Variants in SLC38A12 observed in about 807,000 individuals in gnomAD.
SLC38A12 encodes the protein putative sodium-coupled neutral amino acid transporter 12.
the SLC38A12 span, among the ~76,000 whole-genome samples, chr17:74,821,532 G>A: frequency 1.3e-5 from 2 of 152,278 alleles, no homozygotes; most frequent in East Asian, 1.9e-4. Context: ...AGCCTCCCTG[G>A]GTGCCAGGAG....
At chr17:74,784,100 T>C in the SLC38A12 span, among the ~76,000 whole-genome samples, 1 of 151,642 alleles carries the variant, frequency 6.6e-6, no homozygotes, top group Non-Finnish European at 1.5e-5. Context: ...TGTGTTTCTA[T>C]CACAAATTCA....
At chr17:74,816,139 C>T in the SLC38A12 span, among the ~76,000 whole-genome samples, 71 of 152,334 alleles carry the variant, frequency 4.7e-4, no homozygotes, top group African/African-American at 1.6e-3. Flanking sequence ...TCTAGAGAAA[C>T]GGCTCCTCCC....
At chr17:74,795,521 C>T in the SLC38A12 span, 7 of 1,613,454 alleles carry the variant, frequency 4.3e-6, 1 homozygote, top group Admixed American at 5.0e-5. Flanking sequence ...TTCTCTTTAT[C>T]AGCAGCGCCA....
the SLC38A12 span, chr17:74,838,207 C>G: frequency 1.0e-6 from 1 of 985,572 alleles, no homozygotes; most frequent in African/African-American, 1.7e-5. Flanking sequence ...CGTCGCACCT[C>G]AGTGTTTCTC....
the SLC38A12 span, chr17:74,795,669 C>T: frequency 2.6e-6 from 4 of 1,522,144 alleles, no homozygotes; most frequent in Non-Finnish European, 3.6e-6. Context: ...TGCCCCAGCC[C>T]AGCCTGCACA....
chr17:74,791,046 C>A, the SLC38A12 span: 1 of 1,611,914 alleles, frequency 6.2e-7, no homozygotes, highest in Middle Eastern at 1.7e-4. Flanking sequence ...GGTAGAAGTT[C>A]TTTTGGGGGT....
chr17:74,838,150 G>A, the SLC38A12 span: 269 of 985,622 alleles, frequency 2.7e-4, no homozygotes, highest in Non-Finnish European at 3.2e-4. Flanking sequence ...TGAAGCCTGG[G>A]AGAGTCCCTG....
chr17:74,815,086 C>T, the SLC38A12 span, among the ~76,000 whole-genome samples: 2 of 152,128 alleles, frequency 1.3e-5, no homozygotes, highest in African/African-American at 2.4e-5. Flanking sequence ...GAGAGGGGGA[C>T]CTTCTCCCTC....
chr17:74,793,459 C>T, the SLC38A12 span, among the ~76,000 whole-genome samples: 21 of 152,220 alleles, frequency 1.4e-4, no homozygotes, highest in Admixed American at 9.2e-4. Flanking sequence ...GCTGCCTCCT[C>T]TATAGGAGGC....
the SLC38A12 span, chr17:74,839,372 G>A: frequency 2.1e-6 from 1 of 465,714 alleles, no homozygotes; most frequent in South Asian, 3.1e-5. Flanking sequence ...CACTGCAGAG[G>A]GGCAGTGGCT....
At chr17:74,836,931 C>G in the SLC38A12 span, 1 of 1,344,504 alleles carries the variant, frequency 7.4e-7, no homozygotes. The surrounding 1 kb of genome is among the most constrained non-coding windows in gnomAD (Gnocchi z 4.2). Flanking sequence ...CGTGGCTGCT[C>G]CCAAGTTCTA....
At chr17:74,836,572 A>G in the SLC38A12 span, 3 of 1,613,366 alleles carry the variant, frequency 1.9e-6, no homozygotes, top group Non-Finnish European at 2.5e-6. The surrounding 1 kb of genome is among the most constrained non-coding windows in gnomAD (Gnocchi z 4.2). Context: ...GGGGTCAGCA[A>G]CAAGCACAGG....
the SLC38A12 span, chr17:74,776,689 G>A: frequency 6.5e-6 from 1 of 153,578 alleles, no homozygotes; most frequent in Admixed American, 6.5e-5. Context: ...GGGAGAGAGA[G>A]GGAGAGGCTG....
chr17:74,785,976 A>G, the SLC38A12 span, among the ~76,000 whole-genome samples: 1 of 152,264 alleles, frequency 6.6e-6, no homozygotes, highest in South Asian at 2.1e-4. Flanking sequence ...CAGCCACAGA[A>G]AAAAGATCTA....
chr17:74,806,250 G>A, the SLC38A12 span, among the ~76,000 whole-genome samples: 2 of 152,136 alleles, frequency 1.3e-5, no homozygotes, highest in Non-Finnish European at 2.9e-5. Context: ...GGCCCCAACA[G>A]TGGTAGCCCA....
chr17:74,838,611 G>A, the SLC38A12 span: 53 of 1,318,458 alleles, frequency 4.0e-5, no homozygotes, highest in Non-Finnish European at 5.2e-5. Flanking sequence ...TGACCACATC[G>A]CTGATGCCAA....
chr17:74,811,643 C>T, the SLC38A12 span, among the ~76,000 whole-genome samples: 3 of 152,064 alleles, frequency 2.0e-5, no homozygotes, highest in African/African-American at 2.4e-5. Flanking sequence ...ATCACTTGAG[C>T]CTGGGAGGTG....
At chr17:74,791,699 C>A in the SLC38A12 span, among the ~76,000 whole-genome samples, 2 of 152,230 alleles carry the variant, frequency 1.3e-5, no homozygotes, top group Admixed American at 6.5e-5. Context: ...TGAGTGAGAC[C>A]GGAGCCCTGA....
chr17:74,787,374 G>A, the SLC38A12 span, among the ~76,000 whole-genome samples: 2 of 147,406 alleles, frequency 1.4e-5, no homozygotes, highest in African/African-American at 5.0e-5. Flanking sequence ...TGTAATCCCA[G>A]CACTTTGGGA....
Sources: allele counts gnomAD v4.1 joint callset (sites outside exome capture counted in the v4.1 genomes callset), GRCh38; gene constraint gnomAD v4.1.1; non-coding constraint Gnocchi (gnomAD v3.1); transcripts MANE v1.5; gene names NCBI Gene and HGNC (gene_info 2026-07-23, HGNC 2026-07-21).